Variants in DLC1 observed in about 807,000 individuals in gnomAD.
The protein encoded by DLC1 is rho GTPase-activating protein 7.
A neutral mutation model predicts 140.3 loss-of-function variants in DLC1; 54 were observed. That is an observed-to-expected ratio of 0.38 (90% CI 0.31 to 0.48). The LOEUF (loss-of-function observed/expected upper bound fraction) is 0.48, where lower values mean the gene tolerates loss of function less well. Among genes scored for constraint, DLC1 ranks in the 20% least tolerant of loss-of-function variants. The pLI, the probability that DLC1 is intolerant of heterozygous loss-of-function variation, is 0.96. For synonymous variants in DLC1, 986 were observed against 728.1 expected, an observed-to-expected ratio of 1.35 and a Z score of -5.70; for missense variants, 2,536 against 1,907.0, an observed-to-expected ratio of 1.33 and a Z score of -6.14.
At chr8:13,347,903 C>T (rs1834431349) in intron 4 of DLC1, among the ~76,000 whole-genome samples, 2 of 152,102 alleles carry the variant, frequency 1.3e-5, no homozygotes, top group Admixed American at 1.3e-4. Context: ...TCCTGGCTAA[C>T]ACAGTGAAAC....
chr8:13,496,918 A>G (rs576571508), intron 2 of DLC1, among the ~76,000 whole-genome samples: 23 of 148,310 alleles, frequency 1.6e-4, no homozygotes, highest in African/African-American at 5.7e-4. Flanking sequence ...CTCCTGCCTC[A>G]GCCTCCCGAG....
intron 2 of DLC1, among the ~76,000 whole-genome samples, chr8:13,470,669 A>G (rs896164681): frequency 6.6e-6 from 1 of 152,240 alleles, no homozygotes; most frequent in Non-Finnish European, 1.5e-5. Flanking sequence ...AAATTAGTAT[A>G]GCCATATGGA....
chr8:13,272,371 G>A (rs1032519224), intron 5 of DLC1, among the ~76,000 whole-genome samples: 2 of 152,018 alleles, frequency 1.3e-5, no homozygotes, highest in African/African-American at 2.4e-5. Flanking sequence ...AACCAGGGAG[G>A]TGGAGGTTGC....
At chr8:13,548,121 C>T (rs12156048) in intron 1 of DLC1, among the ~76,000 whole-genome samples, 9,427 of 151,990 alleles carry the variant, frequency 0.062, 415 homozygotes, top group South Asian at 0.19. Flanking sequence ...TGCCTAATGC[C>T]GAGAACATAG....
intron 1 of DLC1, chr8:13,568,433 G>A (rs1224418708): frequency 6.3e-6 from 1 of 157,812 alleles, no homozygotes; most frequent in East Asian, 1.9e-4. Flanking sequence ...CACATTGACA[G>A]TTTGAAGAAA....
chr8:13,315,347 C>A (rs532718812), intron 4 of DLC1, among the ~76,000 whole-genome samples: 1 of 151,820 alleles, frequency 6.6e-6, no homozygotes, highest in Non-Finnish European at 1.5e-5. Flanking sequence ...CAAATAATAG[C>A]CAAACATTTG....
chr8:13,387,359 T>C (rs1836569730), intron 4 of DLC1, among the ~76,000 whole-genome samples: 2 of 152,158 alleles, frequency 1.3e-5, no homozygotes, highest in Middle Eastern at 3.5e-3. Flanking sequence ...AAAAAATTCA[T>C]CTGATAACCA....
chr8:13,268,960 C>T (rs946284576), intron 5 of DLC1, among the ~76,000 whole-genome samples: 2 of 150,750 alleles, frequency 1.3e-5, no homozygotes, highest in East Asian at 2.0e-4. Context: ...CTGCAAGCTC[C>T]GCCTCCCGGG....
chr8:13,342,589 C>T (rs1173472941), intron 4 of DLC1: 1 of 152,162 alleles, frequency 6.6e-6, no homozygotes, highest in East Asian at 1.9e-4. Flanking sequence ...AGGAATTCTG[C>T]CCTAAGACCG....
chr8:13,492,386 A>G (rs1398890217), intron 2 of DLC1, among the ~76,000 whole-genome samples: 1 of 152,112 alleles, frequency 6.6e-6, no homozygotes, highest in African/African-American at 2.4e-5. Context: ...CCAGCCTGCT[A>G]CATATTCACT....
chr8:13,395,157 G>A (rs28428968), intron 3 of DLC1, among the ~76,000 whole-genome samples: 11,061 of 148,516 alleles, frequency 0.074, 1,404 homozygotes, highest in African/African-American at 0.26. Context: ...GTCTCACACC[G>A]TCGCCCCGGC....
chr8:13,555,008 G>A (rs1053383485), intron 1 of DLC1, among the ~76,000 whole-genome samples: 7 of 152,150 alleles, frequency 4.6e-5, no homozygotes, highest in South Asian at 2.1e-4. Context: ...TGTTAAGCAC[G>A]TCTCTTTCTG....
intron 1 of DLC1, among the ~76,000 whole-genome samples, chr8:13,592,901 C>A (rs1310476895): frequency 2.0e-5 from 3 of 152,084 alleles, no homozygotes; most frequent in Non-Finnish European, 4.4e-5. Context: ...TATAATTAAT[C>A]CCAGAAATCT....
At chr8:13,264,781 G>C (rs1358925273) in intron 5 of DLC1, among the ~76,000 whole-genome samples, 2 of 152,068 alleles carry the variant, frequency 1.3e-5, no homozygotes, top group Non-Finnish European at 2.9e-5. Context: ...AAAGATTTTT[G>C]GGAAGCAAAG....
intron 1 of DLC1, among the ~76,000 whole-genome samples, chr8:13,532,498 T>A (rs910564375): frequency 1.3e-5 from 2 of 152,226 alleles, no homozygotes; most frequent in African/African-American, 4.8e-5. Context: ...ATAAAGTAAC[T>A]GAGGCTGAAT....
intron 5 of DLC1, among the ~76,000 whole-genome samples, chr8:13,198,501 C>T (rs1827196369): frequency 6.6e-6 from 1 of 152,086 alleles, no homozygotes; most frequent in Non-Finnish European, 1.5e-5. Context: ...GTATACTTTT[C>T]TATACAAGTA....
chr8:13,509,935 A>C (rs996224555), intron 1 of DLC1, among the ~76,000 whole-genome samples: 2 of 152,178 alleles, frequency 1.3e-5, no homozygotes, highest in Non-Finnish European at 2.9e-5. Flanking sequence ...ATGAGATTAT[A>C]ATATATGTAA....
At chr8:13,225,805 T>TG (rs1828772007) in intron 5 of DLC1, among the ~76,000 whole-genome samples, 1 of 151,920 alleles carries the variant, frequency 6.6e-6, no homozygotes, top group Admixed American at 6.6e-5. Flanking sequence ...TTAGTAGAGA[T>TG]GGGGTTTCAC....
At chr8:13,156,337 T>G in intron 5 of DLC1, among the ~76,000 whole-genome samples, 1 of 152,146 alleles carries the variant, frequency 6.6e-6, no homozygotes, top group East Asian at 1.9e-4. Context: ...CATAGTTTTG[T>G]TTTGTTCTGA....
Sources: gnomAD v4.1 joint callset for allele counts (sites outside exome capture counted in the v4.1 genomes callset) on GRCh38, gnomAD v4.1.1 for gene constraint, MANE v1.5 for transcripts, NCBI Gene and HGNC (gene_info 2026-07-23, HGNC 2026-07-21) for gene names.